Variants in SLC9D1 observed in about 807,000 individuals in gnomAD.
SLC9D1 encodes putative LAG1-interacting protein.
At chr13:113,541,667 T>C in the SLC9D1 span, among the ~76,000 whole-genome samples, 1 of 126,514 alleles carries the variant, frequency 7.9e-6, no homozygotes, top group Non-Finnish European at 1.7e-5. Context: ...ACCGCCGAGA[T>C]GTGTGGATGA....
the SLC9D1 span, among the ~76,000 whole-genome samples, chr13:113,546,913 G>C: frequency 1.3e-5 from 2 of 152,238 alleles, no homozygotes; most frequent in African/African-American, 4.8e-5. This position sits in a 1 kb window ranked among gnomAD's most constrained non-coding sequence, Gnocchi z 7.1. Flanking sequence ...CGTCCTGTGA[G>C]CGTGGCACTC....
the SLC9D1 span, chr13:113,548,209 C>A: frequency 2.1e-6 from 3 of 1,423,566 alleles, no homozygotes; most frequent in Non-Finnish European, 2.9e-6. Flanking sequence ...ACCATCGCAG[C>A]GTGCCTGTGG....
At chr13:113,512,452 C>G in the SLC9D1 span, among the ~76,000 whole-genome samples, 4 of 147,130 alleles carry the variant, frequency 2.7e-5, no homozygotes, top group African/African-American at 1.0e-4. Context: ...GACTCAGAGC[C>G]TCAGTGGCCG....
chr13:113,547,529 G>C, the SLC9D1 span: 5 of 640,830 alleles, frequency 7.8e-6, no homozygotes, highest in Non-Finnish European at 1.4e-5. Context: ...ACTGGACCCC[G>C]GGGGAGGCAG....
chr13:113,535,993 T>C, the SLC9D1 span, among the ~76,000 whole-genome samples: 1 of 152,232 alleles, frequency 6.6e-6, no homozygotes, highest in African/African-American at 2.4e-5. The surrounding 1 kb of genome is among the most constrained non-coding windows in gnomAD (Gnocchi z 4.1). Flanking sequence ...GTGCTGTAAT[T>C]TGGCAAGATG....
At chr13:113,519,892 G>A in the SLC9D1 span, among the ~76,000 whole-genome samples, 7 of 152,354 alleles carry the variant, frequency 4.6e-5, no homozygotes, top group African/African-American at 1.7e-4. Flanking sequence ...TGCACACGTG[G>A]AACACACCAC....
At chr13:113,505,274 G>C in the SLC9D1 span, 1 of 152,128 alleles carries the variant, frequency 6.6e-6, no homozygotes, top group Non-Finnish European at 1.5e-5. Context: ...TTTTTGGAGA[G>C]CTGTCTAGCA....
chr13:113,539,282 C>T, the SLC9D1 span: 140 of 1,439,380 alleles, frequency 9.7e-5, no homozygotes, highest in African/African-American at 1.6e-3. The surrounding 1 kb of genome is among the most constrained non-coding windows in gnomAD (Gnocchi z 4.8). Context: ...TGCTGGGTCT[C>T]GGGGTGGCCT....
the SLC9D1 span, chr13:113,498,616 TA>T: frequency 9.9e-7 from 1 of 1,012,224 alleles, no homozygotes; most frequent in Non-Finnish European, 1.4e-6. Flanking sequence ...GTTTTTAATG[TA>T]GATTGAAAAT....
At chr13:113,530,109 C>CA in the SLC9D1 span, 1 of 152,216 alleles carries the variant, frequency 6.6e-6, no homozygotes, top group Non-Finnish European at 1.5e-5. Flanking sequence ...AAGAACCGGA[C>CA]AAAAAGTCCA....
chr13:113,531,312 G>A, the SLC9D1 span, among the ~76,000 whole-genome samples: 1 of 152,224 alleles, frequency 6.6e-6, no homozygotes, highest in Non-Finnish European at 1.5e-5. Context: ...ACGTGCTGAT[G>A]GGAAGCTTGT....
chr13:113,546,837 A>G, the SLC9D1 span, among the ~76,000 whole-genome samples: 9 of 152,312 alleles, frequency 5.9e-5, no homozygotes, highest in South Asian at 2.1e-4. This position sits in a 1 kb window ranked among gnomAD's most constrained non-coding sequence, Gnocchi z 7.1. Flanking sequence ...TGTGGAGACA[A>G]CGTTTCCCAT....
the SLC9D1 span, chr13:113,527,531 C>G: frequency 1.3e-5 from 2 of 152,236 alleles, no homozygotes; most frequent in Non-Finnish European, 2.9e-5. Context: ...GCTATGAAAC[C>G]TGCTGCTGTT....
chr13:113,530,625 A>G, the SLC9D1 span: 1 of 152,242 alleles, frequency 6.6e-6, no homozygotes, highest in Admixed American at 6.5e-5. Flanking sequence ...GCAACATAAT[A>G]GACTCTGCTT....
chr13:113,515,019 T>C, the SLC9D1 span, among the ~76,000 whole-genome samples: 1 of 152,194 alleles, frequency 6.6e-6, no homozygotes, highest in South Asian at 2.1e-4. Context: ...CACCTGGCCC[T>C]GGCAGACATT....
At chr13:113,527,173 G>A in the SLC9D1 span, 1 of 152,252 alleles carries the variant, frequency 6.6e-6, no homozygotes, top group Admixed American at 6.5e-5. Context: ...AGCAGATGGT[G>A]TTGTAATGTT....
At chr13:113,524,894 A>G in the SLC9D1 span, among the ~76,000 whole-genome samples, 1 of 151,048 alleles carries the variant, frequency 6.6e-6, no homozygotes, top group Non-Finnish European at 1.5e-5. Flanking sequence ...AAATATTGAT[A>G]TGTTGCAACT....
chr13:113,493,172 C>T, the SLC9D1 span, among the ~76,000 whole-genome samples: 1 of 152,154 alleles, frequency 6.6e-6, no homozygotes, highest in African/African-American at 2.4e-5. Context: ...TCAAAGGTTT[C>T]TCATAAAAAT....
the SLC9D1 span, among the ~76,000 whole-genome samples, chr13:113,515,775 C>T: frequency 2.4e-3 from 368 of 151,412 alleles, no homozygotes; most frequent in African/African-American, 8.4e-3. Context: ...CCTGTAGTCC[C>T]AGCCACTCAA....
Sources: gnomAD v4.1 joint callset for allele counts (sites outside exome capture counted in the v4.1 genomes callset) on GRCh38, gnomAD v4.1.1 for gene constraint, Gnocchi (gnomAD v3.1) non-coding constraint, MANE v1.5 for transcripts, NCBI Gene and HGNC (gene_info 2026-07-23, HGNC 2026-07-21) for gene names.